PLXNA4: variants seen among roughly 807,000 people sequenced by gnomAD.
PLXNA4 encodes plexin-A4.
In PLXNA4, 44 loss-of-function variants were observed where a neutral mutation model predicts 191.8. That is an observed-to-expected ratio of 0.23 (90% CI 0.18 to 0.29). PLXNA4 has a LOEUF of 0.29. Ranked by LOEUF, PLXNA4 falls within the 10% of genes least tolerant of loss-of-function variation. The probability of loss-of-function intolerance (pLI) is 1.00; values close to 1 mark genes in which losing one functional copy is unlikely to be tolerated. For missense variants in PLXNA4, 1,800 were observed against 2,488.8 expected, an observed-to-expected ratio of 0.72 and a Z score of 5.89; for synonymous variants, 1,082 against 1,009.5, an observed-to-expected ratio of 1.07 and a Z score of -1.36.
rs546414818 is a variant in PLXNA4 at position 132,533,060 on chromosome 7, C to T, written c.-86-24281G>A. Among the ~76,000 whole-genome samples the T allele has an allele frequency of 3.9e-5, 6 of 152,308 alleles. No homozygotes were observed. In the East Asian group the frequency reaches 1.2e-3, roughly 29 times the overall value. On this transcript the variant is annotated intron_variant, in intron 1 of 31. Coordinates refer to ENST00000321063, the MANE Select transcript of PLXNA4 (RefSeq NM_020911.2). ...CTTCCAAACCGAAGGGATTTCTGTC[C>T]TTCCTTTAATTTCCAGAATAATAGA... is the stretch of plus-strand genomic sequence containing the variant.
chr7:132,240,097 A>G (rs1030355192), intron 5 of PLXNA4, among the ~76,000 whole-genome samples: 1 of 152,226 alleles, frequency 6.6e-6, no homozygotes, highest in African/African-American at 2.4e-5. Flanking sequence ...GTCATTGGTC[A>G]CATGTAGTTC....
At chr7:132,483,107 T>C (rs542266302) in intron 3 of PLXNA4, among the ~76,000 whole-genome samples, 1 of 152,248 alleles carries the variant, frequency 6.6e-6, no homozygotes, top group Non-Finnish European at 1.5e-5. Flanking sequence ...TCCCAGGAAG[T>C]TCCCTAAGAA....
intron 3 of PLXNA4, among the ~76,000 whole-genome samples, chr7:132,443,206 G>T (rs1795760043): frequency 6.6e-6 from 1 of 152,124 alleles, no homozygotes; most frequent in Non-Finnish European, 1.5e-5. Flanking sequence ...CTGATGTTTG[G>T]AGGTTTTCCT....
intron 4 of PLXNA4, among the ~76,000 whole-genome samples, chr7:132,293,667 T>G (rs1045675779): frequency 6.6e-6 from 1 of 152,228 alleles, no homozygotes; most frequent in African/African-American, 2.4e-5. Flanking sequence ...TATGTAAGAA[T>G]GGACAGCATA....
At chr7:132,355,310 T>G (rs1803654525) in intron 3 of PLXNA4, among the ~76,000 whole-genome samples, 1 of 152,218 alleles carries the variant, frequency 6.6e-6, no homozygotes, top group Admixed American at 6.5e-5. Flanking sequence ...TAGCCATCAA[T>G]TCTGGGAGGG....
intron 4 of PLXNA4, among the ~76,000 whole-genome samples, chr7:132,290,355 C>T (rs551496365): frequency 2.0e-5 from 3 of 152,190 alleles, no homozygotes; most frequent in Non-Finnish European, 2.9e-5. Flanking sequence ...AGAAGATACT[C>T]GCCTTGTCTG....
chr7:132,419,263 A>T (rs1301528182), intron 3 of PLXNA4, among the ~76,000 whole-genome samples: 1 of 152,184 alleles, frequency 6.6e-6, no homozygotes, highest in Non-Finnish European at 1.5e-5. Flanking sequence ...TCTTCTGGGG[A>T]GAAAAATGCA....
chr7:132,198,074 G>A (rs907708134), intron 13 of PLXNA4, among the ~76,000 whole-genome samples: 2 of 152,122 alleles, frequency 1.3e-5, no homozygotes, highest in Non-Finnish European at 2.9e-5. Flanking sequence ...CCTCAGAGTG[G>A]GTGTGAATTT....
chr7:132,278,839 ATAAC>A (rs1800373812), intron 4 of PLXNA4, among the ~76,000 whole-genome samples: 1 of 152,198 alleles, frequency 6.6e-6, no homozygotes, highest in African/African-American at 2.4e-5. Flanking sequence ...GTTTATGTCT[ATAAC>A]TAAGAAATAT....
chr7:132,402,322 C>T (rs766854929), intron 3 of PLXNA4, among the ~76,000 whole-genome samples: 8 of 152,194 alleles, frequency 5.3e-5, no homozygotes, highest in East Asian at 3.9e-4. Context: ...TGACGGTAGG[C>T]GGGGAGACAG....
intron 3 of PLXNA4, among the ~76,000 whole-genome samples, chr7:132,433,114 C>T (rs1363906423): frequency 3.9e-5 from 6 of 152,140 alleles, no homozygotes; most frequent in East Asian, 1.9e-4. Flanking sequence ...CACTTGACTG[C>T]GTTGGAAAAC....
At chr7:132,647,862 CAT>C (rs1428756449) in intron 1 of PLXNA4, among the ~76,000 whole-genome samples, 2 of 151,810 alleles carry the variant, frequency 1.3e-5, no homozygotes, top group Non-Finnish European at 2.9e-5. Context: ...CATATACACA[CAT>C]ACACTCACAC....
intron 3 of PLXNA4, among the ~76,000 whole-genome samples, chr7:132,376,012 C>T (rs1804643630): frequency 6.6e-6 from 1 of 152,204 alleles, no homozygotes. Flanking sequence ...CTGGCATGAC[C>T]TTAGACCAAT....
At chr7:132,634,739 G>A (rs979452792) in intron 2 of PLXNA4, among the ~76,000 whole-genome samples, 3 of 152,142 alleles carry the variant, frequency 2.0e-5, no homozygotes, top group African/African-American at 4.8e-5. Context: ...CACCTCTCAC[G>A]TAGTCTGGGA....
intron 3 of PLXNA4, among the ~76,000 whole-genome samples, chr7:132,424,899 C>T (rs781026298): frequency 6.6e-5 from 10 of 152,234 alleles, no homozygotes; most frequent in South Asian, 4.1e-4. Flanking sequence ...GTGCCCTCCA[C>T]GCATCGTCCA....
At chr7:132,510,489 A>G (rs911761091) in intron 1 of PLXNA4, among the ~76,000 whole-genome samples, 2 of 152,214 alleles carry the variant, frequency 1.3e-5, no homozygotes, top group Non-Finnish European at 2.9e-5. Context: ...CTCAGAACAC[A>G]CACAAAATGT....
At chr7:132,559,008 G>A (rs949097418) in intron 1 of PLXNA4, among the ~76,000 whole-genome samples, 17 of 152,118 alleles carry the variant, frequency 1.1e-4, no homozygotes, top group African/African-American at 2.4e-4. Flanking sequence ...GGACACCCCC[G>A]GTGGCGTCAA....
At chr7:132,295,291 T>C (rs561926557) in intron 4 of PLXNA4, among the ~76,000 whole-genome samples, 1 of 152,318 alleles carries the variant, frequency 6.6e-6, no homozygotes, top group East Asian at 1.9e-4. Flanking sequence ...AATCACAGCC[T>C]GGTCTGACAA....
At chr7:132,413,501 C>A (rs1563085028) in intron 3 of PLXNA4, among the ~76,000 whole-genome samples, 1 of 152,180 alleles carries the variant, frequency 6.6e-6, no homozygotes, top group African/African-American at 2.4e-5. Context: ...AAAGAGGCAC[C>A]CTCTGCCACT....
Sources: gnomAD v4.1 joint callset for allele counts (sites outside exome capture counted in the v4.1 genomes callset) on GRCh38, gnomAD v4.1.1 for gene constraint, MANE v1.5 for transcripts, NCBI Gene and HGNC (gene_info 2026-07-23, HGNC 2026-07-21) for gene names.